LRRC1: variants seen among roughly 807,000 people sequenced by gnomAD.
LRRC1 encodes leucine rich repeat containing 1.
A neutral mutation model predicts 69.9 loss-of-function variants in LRRC1; 28 were observed. The ratio of observed to expected loss-of-function variants is 0.40; its 90% CI spans 0.30 to 0.55. The LOEUF (loss-of-function observed/expected upper bound fraction) is 0.55. Among genes scored for constraint, LRRC1 ranks in the 20% least tolerant of loss-of-function variants. The pLI is 0.47. For missense variants in LRRC1, 498 were observed against 609.0 expected (o/e 0.82, Z 1.92); for synonymous variants, 236 against 240.2 (o/e 0.98, Z 0.16).
intron 10 of LRRC1, among the ~76,000 whole-genome samples, chr6:53,913,171 G>A (rs1768465512): frequency 6.6e-6 from 1 of 151,816 alleles, no homozygotes; most frequent in Non-Finnish European, 1.5e-5. Flanking sequence ...GCTTTTATGA[G>A]CAGGCTGCAG....
chr6:53,911,013 T>G (rs1241347230), intron 10 of LRRC1, among the ~76,000 whole-genome samples: 2 of 152,238 alleles, frequency 1.3e-5, no homozygotes, highest in Non-Finnish European at 2.9e-5. Flanking sequence ...CCTAGCACAC[T>G]CTGCAACAAC....
At chr6:53,868,237 T>TA (rs1766771860) in intron 2 of LRRC1, among the ~76,000 whole-genome samples, 1 of 151,838 alleles carries the variant, frequency 6.6e-6, no homozygotes, top group Admixed American at 6.6e-5. Context: ...TTTTTTTTTT[T>TA]TTGAGACGGA....
chr6:53,838,035 C>T (rs1291446605), intron 1 of LRRC1, among the ~76,000 whole-genome samples: 1 of 152,186 alleles, frequency 6.6e-6, no homozygotes, highest in East Asian at 1.9e-4. Context: ...CCTGCCAAGA[C>T]AGCTACAGGA....
chr6:53,806,949 T>A (rs1764650783), intron 1 of LRRC1, among the ~76,000 whole-genome samples: 1 of 152,232 alleles, frequency 6.6e-6, no homozygotes, highest in Non-Finnish European at 1.5e-5. Flanking sequence ...TGGTTGAATT[T>A]GGCTGGGATC....
intron 1 of LRRC1, among the ~76,000 whole-genome samples, chr6:53,834,982 A>T (rs1415965769): frequency 6.6e-6 from 1 of 152,196 alleles, no homozygotes; most frequent in Non-Finnish European, 1.5e-5. Flanking sequence ...AATAATAAAA[A>T]TAAATAAATA....
chr6:53,833,851 G>A (rs3001005), intron 1 of LRRC1, among the ~76,000 whole-genome samples: 40,285 of 151,980 alleles, frequency 0.27, 5,470 homozygotes, highest in African/African-American at 0.29. Flanking sequence ...CATATTTATT[G>A]TCTATCACCT....
chr6:53,799,931 C>T (rs1764419333), intron 1 of LRRC1, among the ~76,000 whole-genome samples: 1 of 152,200 alleles, frequency 6.6e-6, no homozygotes, highest in Non-Finnish European at 1.5e-5. Context: ...CAGTCCCTCA[C>T]TCCCATCTGG....
In LRRC1 at chr6:53,922,990, G is replaced by T; in HGVS notation, c.*197G>T. 1 of 473,874 alleles carries T rather than the reference G, an allele frequency of 2.1e-6. No individual in the cohort carries two copies. Among genetic ancestry groups the T allele is most frequent in the East Asian group, 3.1e-5 (1 of 32,032 alleles). 29.4% of individuals were successfully genotyped at this position (473,874 alleles called of 1,614,324 possible). A position where few individuals can be genotyped will look rare whatever the true frequency, so the allele number is the denominator to read the frequency against. ...CAGTCAGCGCACCAGTGGTCTCCCG[G>T]TGTGATTTTTTTTTTTTTTAATTTC... On this transcript the variant is annotated 3_prime_UTR_variant, in exon 14 of 14. Transcript: ENST00000370888.
At chr6:53,834,953 C>T (rs1277377675) in intron 1 of LRRC1, among the ~76,000 whole-genome samples, 1 of 152,170 alleles carries the variant, frequency 6.6e-6, no homozygotes, top group East Asian at 1.9e-4. Context: ...CAGAGCGAGA[C>T]TCCGTCTCAA....
In LRRC1 at chr6:53,853,473, C is replaced by T. The variant is rs562311631; in HGVS notation, c.277+11246C>T. On this transcript the variant is annotated intron_variant, in intron 2 of 13. Transcript: ENST00000370888. ...CTAATTTTTGTATATTTAGTAGAGA[C>T]GGGGTTTCACCATGTTGACCAGGCT... Among the ~76,000 whole-genome samples the T allele has an allele frequency of 4.8e-4, 73 of 151,986 alleles. 1 individual carries two copies. The highest frequency in any genetic ancestry group is 1.5e-3 in the African/African-American group (64 of 41,448).
chr6:53,879,244 A>G lies in LRRC1; in HGVS notation c.356+173A>G, dbSNP rs150026689. On this transcript the variant is annotated intron_variant, in intron 3 of 13. Transcript: ENST00000370888. ...TTTATAAATAGCCCTGTACAATGAA[A>G]GGCGTACTATTCTATTGATAGAAAC... Among the ~76,000 whole-genome samples the G allele has an allele frequency of 6.4e-4, 98 of 152,326 alleles. No individual in the cohort carries two copies. In the East Asian group the frequency reaches 9.6e-3, roughly 15 times the overall value.
At chr6:53,801,026 T>C (rs1405384280) in intron 1 of LRRC1, among the ~76,000 whole-genome samples, 2 of 152,228 alleles carry the variant, frequency 1.3e-5, no homozygotes, top group African/African-American at 4.8e-5. Flanking sequence ...TTATTGACTG[T>C]GTTTGAGCAT....
chr6:53,846,484 C>T (rs999843859), intron 2 of LRRC1, among the ~76,000 whole-genome samples: 18 of 152,198 alleles, frequency 1.2e-4, no homozygotes, highest in African/African-American at 3.9e-4. Context: ...CTTCCGATGC[C>T]GCTGGGCCTT....
At chr6:53,847,962 G>A (rs1217430850) in intron 2 of LRRC1, among the ~76,000 whole-genome samples, 2 of 152,062 alleles carry the variant, frequency 1.3e-5, no homozygotes, top group Non-Finnish European at 2.9e-5. Context: ...TTACCCATGC[G>A]GACTTCAGAC....
intron 11 of LRRC1, among the ~76,000 whole-genome samples, chr6:53,918,000 A>G (rs549089363): frequency 2.0e-5 from 3 of 152,368 alleles, no homozygotes; most frequent in South Asian, 2.1e-4. Context: ...CCCTTAAAGA[A>G]CAAATATCCC....
intron 4 of LRRC1, 109 bp from the exon 5 acceptor site, chr6:53,896,389 T>TA: frequency 1.2e-6 from 1 of 851,276 alleles, no homozygotes; most frequent in South Asian, 1.4e-5. Context: ...AGTGACCTAC[T>TA]AGGTTTTATT....
chr6:53,911,686 A>C (rs1768415050), intron 10 of LRRC1, among the ~76,000 whole-genome samples: 1 of 152,196 alleles, frequency 6.6e-6, no homozygotes, highest in Non-Finnish European at 1.5e-5. Flanking sequence ...CCAGCCTGAC[A>C]CCGAAGCTCC....
chr6:53,896,666 G>A, intron 5 of LRRC1, 112 bp downstream of exon 5: 1 of 1,126,184 alleles, frequency 8.9e-7, no homozygotes, highest in Non-Finnish European at 1.3e-6. Flanking sequence ...GGAAGTTTGG[G>A]GGATGCCAGC....
At position 53,902,609 on chromosome 6, in the gene LRRC1, T is replaced by C. The variant is rs1768095356; in HGVS notation, c.788-20T>C. The C allele has an allele frequency of 7.2e-7, 1 of 1,381,132 alleles. No individual in the cohort carries two copies. Among genetic ancestry groups the C allele is most frequent in the Non-Finnish European group, 1.0e-6 (1 of 994,892 alleles). The allele number at this position is 1,381,132 out of a possible 1,614,324, so 85.6% of individuals were successfully genotyped here. On this transcript the variant is annotated intron_variant, in intron 8 of 13. Coordinates refer to ENST00000370888, the MANE Select transcript of LRRC1 (RefSeq NM_018214.5). ...TTGTAACTAATGAATTTGATAATAATAATCATAATGCTTTTACAGGAAAAC... is the reference window on the plus strand; with the variant it reads ...TTGTAACTAATGAATTTGATAATAACAATCATAATGCTTTTACAGGAAAAC...
Sources: gnomAD v4.1 joint callset for allele counts (sites outside exome capture counted in the v4.1 genomes callset) on GRCh38, gnomAD v4.1.1 for gene constraint, MANE v1.5 for transcripts, NCBI Gene and HGNC (gene_info 2026-07-23, HGNC 2026-07-21) for gene names.